Variants in IL23R observed in about 807,000 individuals in gnomAD.
The protein encoded by IL23R is interleukin-23 receptor.
Under a neutral mutation model 56.9 loss-of-function variants are expected in IL23R, and 34 were observed. The ratio of observed to expected loss-of-function variants is 0.60; its 90% CI spans 0.45 to 0.80. IL23R has a LOEUF of 0.80. Ranked by LOEUF, IL23R falls within the 30% of genes least tolerant of loss-of-function variation. The pLI is 0.00. For missense variants in IL23R, 635 were observed against 730.0 expected, an observed-to-expected ratio of 0.87 and a Z score of 1.50; for synonymous variants, 230 against 249.2, an observed-to-expected ratio of 0.92 and a Z score of 0.73.
Position 67,238,558 on chromosome 1 carries a change from C to T in IL23R, c.1046-1621C>T, listed in dbSNP as rs530420633. 2.0e-5 allele frequency among the ~76,000 whole-genome samples: 3 copies of T among 152,222 alleles called. No homozygotes were observed. The South Asian group carries it at 6.2e-4, about 32-fold the overall frequency. ...AGCTCTGTTAGATAAGTATTATTAT[C>T]TCTATTTTCCAAAAGAGAAAACCTG... is the stretch of plus-strand genomic sequence containing the variant. On this transcript the variant is annotated intron_variant, in intron 8 of 10. Coordinates refer to ENST00000347310, the MANE Select transcript of IL23R (RefSeq NM_144701.3).
rs546872282 is a variant in IL23R at position 67,189,050 on chromosome 1, T to G, written c.491+6091T>G. ...TATTTATAGGATATTATAGATAATT[T>G]TATTCATATATTTTTAAGTAATACA... On this transcript the variant is annotated intron_variant, in intron 4 of 10. Transcript: ENST00000347310. Among the ~76,000 whole-genome samples, 3 of 152,120 alleles carry G rather than the reference T, an allele frequency of 2.0e-5. No individual in the cohort carries two copies. In the South Asian group the frequency reaches 6.2e-4, roughly 32 times the overall value.
Position 67,200,818 on chromosome 1 carries a change from G to C in IL23R, c.573G>C (p.Lys191Asn). Residue 191 changes from lysine (K) to asparagine (N), a missense_variant, in exon 5 of 11, where the codon AAG becomes AAC. Coordinates refer to ENST00000347310, the MANE Select transcript of IL23R (RefSeq NM_144701.3). The part of the protein sequence containing the change: ...ISTDSLQGGK[K>N]YLVWVQAANA... ...CTGATTCATTACAAGGTGGCAAGAA[G>C]TACTTGGTTTGGGTCCAAGCAGCAA... The C allele has an allele frequency of 6.2e-7, 1 of 1,614,070 alleles. No homozygotes were observed. Among genetic ancestry groups the C allele is most frequent in the Non-Finnish European group, 8.5e-7 (1 of 1,179,984 alleles).
At chr1:67,138,962 GGAA>G (rs949757233) in exon 1 of IL23R, 1 of 152,322 alleles carries the variant, frequency 6.6e-6, no homozygotes, top group Non-Finnish European at 1.5e-5. Context: ...GAGCCTTCAG[GGAA>G]GAAGACTTCC....
Position 67,217,993 on chromosome 1 carries a change from C to T in IL23R, c.799-1581C>T, listed in dbSNP as rs573906265. Among the ~76,000 whole-genome samples, 7 of 151,582 alleles carry T rather than the reference C, an allele frequency of 4.6e-5. No homozygotes were observed. The South Asian group carries it at 8.3e-4, about 18-fold the overall frequency. ...GTTGTTGCATAAATGCATTTCTAGACATATTGACATATTTTATGTCTGCCT... is the reference window on the plus strand; with the variant it reads ...GTTGTTGCATAAATGCATTTCTAGATATATTGACATATTTTATGTCTGCCT... On this transcript the variant is annotated intron_variant, in intron 6 of 10. Coordinates refer to ENST00000347310, the MANE Select transcript of IL23R (RefSeq NM_144701.3).
chr1:67,247,567 G>A (rs113732677), intron 9 of IL23R, among the ~76,000 whole-genome samples: 4 of 152,248 alleles, frequency 2.6e-5, no homozygotes, highest in Admixed American at 6.5e-5. Context: ...GCCTCCCAAA[G>A]TGCTGGGATT....
chr1:67,206,881 G>GGT, intron 5 of IL23R, 29 bp from the exon 6 acceptor site: 2 of 1,436,794 alleles, frequency 1.4e-6, no homozygotes. Context: ...TAAACAGCCA[G>GGT]GTCTTTTTTT....
At chr1:67,227,394 TG>T (rs1650689740) in intron 7 of IL23R, among the ~76,000 whole-genome samples, 1 of 151,358 alleles carries the variant, frequency 6.6e-6, no homozygotes, top group Admixed American at 6.6e-5. Context: ...AATTGCTGCT[TG>T]CCATAGAAAA....
chr1:67,203,289 C>A (rs897923728), intron 5 of IL23R, among the ~76,000 whole-genome samples: 2 of 152,142 alleles, frequency 1.3e-5, no homozygotes, highest in Non-Finnish European at 2.9e-5. Context: ...ATGATTTGCG[C>A]AAAGTCACTT....
chr1:67,176,802 C>T (rs1431651471), intron 3 of IL23R, among the ~76,000 whole-genome samples: 4 of 152,134 alleles, frequency 2.6e-5, no homozygotes, highest in Non-Finnish European at 5.9e-5. Flanking sequence ...CACCACACAA[C>T]TGGCCCCGGT....
chr1:67,244,812 T>C (rs1167443533), intron 9 of IL23R, among the ~76,000 whole-genome samples: 1 of 152,142 alleles, frequency 6.6e-6, no homozygotes, highest in East Asian at 1.9e-4. Context: ...TTTGATTCCA[T>C]ATGAAATTTA....
At chr1:67,179,541 A>G (rs1647059950) in intron 3 of IL23R, among the ~76,000 whole-genome samples, 1 of 150,798 alleles carries the variant, frequency 6.6e-6, no homozygotes, top group South Asian at 2.1e-4. Flanking sequence ...GTGGTCTATC[A>G]ATTTTGTTGA....
intron 6 of IL23R, among the ~76,000 whole-genome samples, chr1:67,210,646 T>A (rs1000800613): frequency 1.3e-5 from 2 of 151,936 alleles, no homozygotes; most frequent in Non-Finnish European, 2.9e-5. Context: ...TTTATTTTTA[T>A]TTTTTTGTAG....
chr1:67,222,102 C>CTTTTTTTTTTTTTT (rs72241835), intron 7 of IL23R, among the ~76,000 whole-genome samples: 41 of 58,892 alleles, frequency 7.0e-4, no homozygotes, highest in Non-Finnish European at 8.6e-4. Flanking sequence ...TTCTTTCTTT[C>CTTTTTTTTTTTTTT]TTTTTTTTTT....
At chr1:67,194,639 T>G (rs962230969) in intron 4 of IL23R, among the ~76,000 whole-genome samples, 1 of 152,238 alleles carries the variant, frequency 6.6e-6, no homozygotes, top group Non-Finnish European at 1.5e-5. Flanking sequence ...TACTGTCAGT[T>G]TGAAAATACA....
At chr1:67,265,608 A>C in the IL23R span, among the ~76,000 whole-genome samples, 1 of 152,202 alleles carries the variant, frequency 6.6e-6, no homozygotes, top group Non-Finnish European at 1.5e-5. Context: ...CCAATTTTTC[A>C]CTAGTACACC....
upstream of IL23R, among the ~76,000 whole-genome samples, chr1:67,165,718 G>A (rs1381974173): frequency 6.6e-6 from 1 of 152,196 alleles, no homozygotes; most frequent in Non-Finnish European, 1.5e-5. Flanking sequence ...GACAGAGAAA[G>A]ACAAATACTG....
downstream of IL23R, among the ~76,000 whole-genome samples, chr1:67,262,630 T>A (rs1372075809): frequency 6.6e-6 from 1 of 152,198 alleles, no homozygotes; most frequent in Non-Finnish European, 1.5e-5. Flanking sequence ...CCTCCCATCT[T>A]AACCTTCTTA....
chr1:67,238,355 AG>A (rs1651627134), intron 8 of IL23R, among the ~76,000 whole-genome samples: 1 of 150,254 alleles, frequency 6.7e-6, no homozygotes, highest in Admixed American at 6.6e-5. Context: ...AAAAAAAAAA[AG>A]AGGAAAAAGA....
At chr1:67,180,001 T>C (rs35033311) in intron 3 of IL23R, among the ~76,000 whole-genome samples, 1 of 152,214 alleles carries the variant, frequency 6.6e-6, no homozygotes. Context: ...TTAGAATTTC[T>C]GTTTTTTTAC....
Sources: allele counts gnomAD v4.1 joint callset (sites outside exome capture counted in the v4.1 genomes callset), GRCh38; gene constraint gnomAD v4.1.1; transcripts MANE v1.5; gene names NCBI Gene and HGNC (gene_info 2026-07-23, HGNC 2026-07-21).